The following SLC24A4 variants were observed in gnomAD, a reference collection of about 807,000 sequenced individuals.
SLC24A4 encodes solute carrier family 24 member 4.
SLC24A4 carries 53 observed loss-of-function variants against 79.0 expected under a neutral mutation model. The observed-to-expected ratio is 0.67, with a 90% CI of 0.54 to 0.84. The LOEUF (loss-of-function observed/expected upper bound fraction) is 0.84. SLC24A4 is among the 40% of genes least tolerant of loss of function. SLC24A4 has a pLI of 0.00. For missense variants in SLC24A4, 731 were observed against 822.0 expected (o/e 0.89, Z 1.35); for synonymous variants, 323 against 323.8 (o/e 1.00, Z 0.03).
At chr14:92,474,283 A>T (rs1894591150) in intron 12 of SLC24A4, among the ~76,000 whole-genome samples, 1 of 152,266 alleles carries the variant, frequency 6.6e-6, no homozygotes, top group South Asian at 2.1e-4. Flanking sequence ...AGCCTCCCAT[A>T]CATTTAATAT....
intron 7 of SLC24A4, 102 bp from the exon 8 acceptor site, chr14:92,445,215 G>A: frequency 2.4e-6 from 3 of 1,239,852 alleles, no homozygotes; most frequent in Non-Finnish European, 3.6e-6. Flanking sequence ...CATATAACAA[G>A]GCCAGTATAA....
chr14:92,406,901 TCTC>T (rs1213654874), intron 2 of SLC24A4, among the ~76,000 whole-genome samples: 8 of 152,176 alleles, frequency 5.3e-5, no homozygotes, highest in African/African-American at 1.9e-4. Context: ...GGCTTAAACT[TCTC>T]CTGAGAAAAT....
At chr14:92,440,516 AC>A (rs1385995836) in intron 4 of SLC24A4, among the ~76,000 whole-genome samples, 3 of 152,024 alleles carry the variant, frequency 2.0e-5, no homozygotes, top group Non-Finnish European at 2.9e-5. Flanking sequence ...CCTAGGACCC[AC>A]CCGCTAGGCT....
intron 2 of SLC24A4, among the ~76,000 whole-genome samples, chr14:92,335,227 G>A (rs1340297443): frequency 2.0e-5 from 3 of 152,232 alleles, no homozygotes; most frequent in East Asian, 1.9e-4. Context: ...TTGATACTTT[G>A]TATTAGTGGG....
At chr14:92,448,254 T>C (rs985366786) in intron 9 of SLC24A4, among the ~76,000 whole-genome samples, 1 of 151,970 alleles carries the variant, frequency 6.6e-6, no homozygotes, top group African/African-American at 2.4e-5. Flanking sequence ...TAGAACAATG[T>C]GAATGTAATT....
chr14:92,354,571 G>C (rs757608413), intron 2 of SLC24A4, among the ~76,000 whole-genome samples: 20 of 152,318 alleles, frequency 1.3e-4, no homozygotes, highest in Non-Finnish European at 2.4e-4. Context: ...TATCTGATGT[G>C]CTAGAATAGA....
chr14:92,442,592 G>A (rs1001488779), intron 5 of SLC24A4, 121 bp from the exon 6 acceptor site: 6 of 673,580 alleles, frequency 8.9e-6, no homozygotes, highest in South Asian at 1.8e-5. Flanking sequence ...ATTCTCTTCC[G>A]CTTCACGGGT....
Position 92,330,381 on chromosome 14 carries a change from T to A in SLC24A4, c.241+4403T>A, listed in dbSNP as rs140570287. Reference sequence around the variant, plus strand: ...AATCTGCTTTATTTTTGCTCAATGATGTCTATGGAAAATTTATAATTAATT... The same window carrying A: ...AATCTGCTTTATTTTTGCTCAATGAAGTCTATGGAAAATTTATAATTAATT... On this transcript the variant is annotated intron_variant, in intron 2 of 16. Coordinates refer to ENST00000532405, the MANE Select transcript of SLC24A4 (RefSeq NM_153646.4). 6.4e-4 allele frequency among the ~76,000 whole-genome samples: 98 copies of A among 152,360 alleles called. 1 individual carries two copies. Among genetic ancestry groups the A allele is most frequent in the African/African-American group, 2.3e-3 (94 of 41,586 alleles).
In SLC24A4 at chr14:92,492,188, G is replaced by A. The variant is rs1474831655; in HGVS notation, c.1664G>A (p.Ser555Asn). ...TTGATTTTCCAGGTGAAGATCAACAGCCGGGGGCTGGTCTATTCCGTGGTC... is the reference window on the plus strand; with the variant it reads ...TTGATTTTCCAGGTGAAGATCAACAACCGGGGGCTGGTCTATTCCGTGGTC... ...VNYGSTVKIN[S>N]RGLVYSVVLL... The change falls in exon 16 of 17, where the codon AGC becomes AAC. Residue 555 changes from serine (S) to asparagine (N), a missense_variant. Ser to Asn is a conservative substitution (Grantham distance 46, BLOSUM62 1). Coordinates refer to ENST00000532405, the MANE Select transcript of SLC24A4 (RefSeq NM_153646.4). 2 of 1,614,000 alleles carry A rather than the reference G, an allele frequency of 1.2e-6. No homozygotes were observed. The highest frequency in any genetic ancestry group is 1.7e-6 in the Non-Finnish European group (2 of 1,180,022).
Position 92,453,984 on chromosome 14 carries a change from C to G in SLC24A4, c.965C>G (p.Pro322Arg). Reference sequence around the variant, plus strand: ...TCCAGCCCTCCCAAGTTCACCTTCCCTGAAGCAGGCTTACGAATCATGATC... The same window carrying G: ...TCCAGCCCTCCCAAGTTCACCTTCCGTGAAGCAGGCTTACGAATCATGATC... ...MSSSPPKFTF[P>R]EAGLRIMITN... Residue 322 changes from proline (P) to arginine (R), a missense_variant, in exon 11 of 17, where the codon CCT becomes CGT. Pro to Arg is a moderately radical substitution (Grantham distance 103, BLOSUM62 -2). Coordinates refer to ENST00000532405, the MANE Select transcript of SLC24A4 (RefSeq NM_153646.4). The G allele has an allele frequency of 6.2e-7, 1 of 1,613,828 alleles. No homozygotes were observed. The highest frequency in any genetic ancestry group is 8.5e-7 in the Non-Finnish European group (1 of 1,179,864).
At chr14:92,428,800 G>T (rs1329948841) in intron 2 of SLC24A4, among the ~76,000 whole-genome samples, 2 of 152,238 alleles carry the variant, frequency 1.3e-5, no homozygotes, top group African/African-American at 4.8e-5. Context: ...CCCCCTAGAG[G>T]AGACTGAGTT....
At chr14:92,437,838 G>C (rs1892259886) in intron 3 of SLC24A4, among the ~76,000 whole-genome samples, 1 of 152,074 alleles carries the variant, frequency 6.6e-6, no homozygotes, top group African/African-American at 2.4e-5. Context: ...TTTCCTTCTT[G>C]GCTGTTAGGG....
chr14:92,470,040 A>G (rs1378418335), intron 12 of SLC24A4, among the ~76,000 whole-genome samples: 1 of 152,184 alleles, frequency 6.6e-6, no homozygotes, highest in East Asian at 1.9e-4. Flanking sequence ...CACATTCTAA[A>G]TGGGTGAATT....
chr14:92,440,447 T>G (rs1379788867), intron 4 of SLC24A4, among the ~76,000 whole-genome samples: 6 of 152,142 alleles, frequency 3.9e-5, no homozygotes. Context: ...TTGTTGCTTC[T>G]GCCTTCCAGA....
chr14:92,418,925 C>T (rs1891132758), intron 2 of SLC24A4, among the ~76,000 whole-genome samples: 1 of 152,142 alleles, frequency 6.6e-6, no homozygotes, highest in Non-Finnish European at 1.5e-5. Context: ...TGGTCTCACA[C>T]TCCTGACCTC....
chr14:92,466,213 T>C (rs970648314), intron 12 of SLC24A4, among the ~76,000 whole-genome samples: 1 of 152,152 alleles, frequency 6.6e-6, no homozygotes, highest in African/African-American at 2.4e-5. Context: ...GTGCTGACAA[T>C]AGTAGCTACT....
At chr14:92,363,453 C>T (rs1373299662) in intron 2 of SLC24A4, among the ~76,000 whole-genome samples, 2 of 152,254 alleles carry the variant, frequency 1.3e-5, no homozygotes, top group Non-Finnish European at 2.9e-5. Flanking sequence ...GACGATTTCA[C>T]ACCATGTTAA....
rs149664132 is a variant in SLC24A4, at chr14:92,458,762, T to C, written c.1255+2154T>C. Among the ~76,000 whole-genome samples, 508 of 152,256 alleles carry C rather than the reference T, an allele frequency of 3.3e-3. 2 individuals are homozygous for C. Among genetic ancestry groups the C allele is most frequent in the African/African-American group, 0.012 (483 of 41,558 alleles). On this transcript the variant is annotated intron_variant, in intron 12 of 16. Transcript: ENST00000532405. ...CCAAGTTATCGCACCCCCAGCTCAC[T>C]TTCCCTCCTGTGTCCACGTGGGGCT...
intron 2 of SLC24A4, among the ~76,000 whole-genome samples, chr14:92,403,781 A>C: frequency 6.6e-6 from 1 of 152,094 alleles, no homozygotes; most frequent in African/African-American, 2.4e-5. Context: ...ACATCTTTCT[A>C]ATGCGCTTCC....
Sources: gnomAD v4.1 joint callset for allele counts (sites outside exome capture counted in the v4.1 genomes callset) on GRCh38, gnomAD v4.1.1 for gene constraint, MANE v1.5 for transcripts, NCBI Gene and HGNC (gene_info 2026-07-23, HGNC 2026-07-21) for gene names.